Variants in SOX5 observed in about 807,000 individuals in gnomAD.
SOX5 encodes the protein SRY-box transcription factor 5.
SOX5 carries 9 observed loss-of-function variants against 92.0 expected under a neutral mutation model. The ratio of observed to expected loss-of-function variants is 0.10; its 90% CI spans 0.06 to 0.17. The LOEUF is 0.17. Ranked by LOEUF, SOX5 falls within the 10% of genes least tolerant of loss-of-function variation. The pLI, the probability that SOX5 is intolerant of heterozygous loss-of-function variation, is 1.00. For missense variants in SOX5, 642 were observed against 944.5 expected, an observed-to-expected ratio of 0.68 and a Z score of 4.20; for synonymous variants, 344 against 336.3, an observed-to-expected ratio of 1.02 and a Z score of -0.25.
chr12:23,534,106 A>C lies in SOX5; in HGVS notation c.*113T>G. 1 of 870,196 alleles carries C rather than the reference A, an allele frequency of 1.1e-6. No individual in the cohort carries two copies. Among genetic ancestry groups the C allele is most frequent in the Admixed American group, 2.2e-5 (1 of 45,198 alleles). The allele number at this position is 870,196 out of a possible 1,614,324, so 53.9% of individuals were successfully genotyped here. On this transcript the variant is annotated 3_prime_UTR_variant, in exon 15 of 15. Transcript: ENST00000451604. ...CTGATGTCCCAACTATTTAAGACTA[A>C]CAGTTAAAGTAACAGTCAGTGTATG... is the stretch of plus-strand genomic sequence containing the variant.
At chr12:23,753,190 A>T (rs962985668) in intron 4 of SOX5, among the ~76,000 whole-genome samples, 9 of 151,810 alleles carry the variant, frequency 5.9e-5, no homozygotes, top group African/African-American at 2.2e-4. Flanking sequence ...ATTAATAGTA[A>T]GAAACACTTC....
intron 1 of SOX5, among the ~76,000 whole-genome samples, chr12:24,497,555 G>A (rs1776717045): frequency 6.6e-6 from 1 of 152,180 alleles, no homozygotes; most frequent in Non-Finnish European, 1.5e-5. Context: ...AACAACAGAT[G>A]CTGGCAAGGT....
At chr12:24,497,847 C>T (rs907892558) in intron 1 of SOX5, among the ~76,000 whole-genome samples, 2 of 152,140 alleles carry the variant, frequency 1.3e-5, no homozygotes, top group South Asian at 2.1e-4. Context: ...GGTACATATG[C>T]ACCATGGCAT....
chr12:24,211,284 T>C (rs901903157), intron 4 of SOX5, among the ~76,000 whole-genome samples: 1 of 152,242 alleles, frequency 6.6e-6, no homozygotes, highest in African/African-American at 2.4e-5. Context: ...TGTTCTCTAG[T>C]ATCTCTGCTT....
chr12:23,668,022 C>T (rs554078492), intron 6 of SOX5, among the ~76,000 whole-genome samples: 4 of 152,136 alleles, frequency 2.6e-5, no homozygotes, highest in Admixed American at 2.0e-4. Context: ...GTGCACAAAG[C>T]AGGTAACAAT....
chr12:23,658,532 C>T (rs1229763734), intron 7 of SOX5, among the ~76,000 whole-genome samples: 1 of 152,106 alleles, frequency 6.6e-6, no homozygotes, highest in Non-Finnish European at 1.5e-5. Context: ...CCAAAGTCAT[C>T]GGTTTATAAA....
intron 3 of SOX5, among the ~76,000 whole-genome samples, chr12:24,266,428 GTAACACAA>G (rs1244554258): frequency 2.0e-5 from 3 of 152,126 alleles, no homozygotes; most frequent in Non-Finnish European, 4.4e-5. Context: ...TTCTGGTACA[GTAACACAA>G]TTGACACAAC....
intron 3 of SOX5, among the ~76,000 whole-genome samples, chr12:24,249,370 A>T (rs1458490177): frequency 1.3e-5 from 2 of 152,206 alleles, no homozygotes; most frequent in Non-Finnish European, 2.9e-5. Context: ...TTATCTATCT[A>T]GAGAGGAATG....
chr12:23,993,864 AATGTATGTATGT>A lies in SOX5; in HGVS notation c.-1-97852_-1-97841del, dbSNP rs5797056. Reference sequence around the variant, plus strand: ...ACATAAAGAAACTCCCTCCCTATGAAATGTATGTATGTATGTATGTATGTATGTATGTATGTA... The same window carrying A: ...ACATAAAGAAACTCCCTCCCTATGAAATGTATGTATGTATGTATGTATGTA... On this transcript the variant is annotated intron_variant, in intron 4 of 4. Transcript: ENST00000446891. 6.7e-3 allele frequency among the ~76,000 whole-genome samples: 984 copies of A among 146,616 alleles called. 12 individuals are homozygous for A. The highest frequency in any genetic ancestry group is 0.02 in the African/African-American group (799 of 39,442).
At chr12:24,198,706 T>C (rs1318817254) in intron 4 of SOX5, among the ~76,000 whole-genome samples, 1 of 152,212 alleles carries the variant, frequency 6.6e-6, no homozygotes, top group Non-Finnish European at 1.5e-5. Context: ...ACTGTTTATG[T>C]GTAATAGCAA....
At chr12:24,213,123 TG>T (rs746966717) in intron 4 of SOX5, among the ~76,000 whole-genome samples, 27 of 152,160 alleles carry the variant, frequency 1.8e-4, no homozygotes, top group Non-Finnish European at 2.4e-4. Flanking sequence ...TGTAAGATTT[TG>T]TTTCTATTCT....
At chr12:23,975,123 A>T (rs554286720) in intron 4 of SOX5, among the ~76,000 whole-genome samples, 2 of 152,136 alleles carry the variant, frequency 1.3e-5, no homozygotes, top group Non-Finnish European at 2.9e-5. Flanking sequence ...ACTCCTGTTC[A>T]CTAGAAATAG....
At chr12:24,206,972 C>T (rs1958086516) in intron 4 of SOX5, among the ~76,000 whole-genome samples, 1 of 152,188 alleles carries the variant, frequency 6.6e-6, no homozygotes, top group Admixed American at 6.5e-5. Flanking sequence ...TTTCTGGGGA[C>T]ACCCCAGGCA....
chr12:24,294,104 A>T (rs1315138959), intron 2 of SOX5, among the ~76,000 whole-genome samples: 1 of 152,190 alleles, frequency 6.6e-6, no homozygotes, highest in East Asian at 1.9e-4. Flanking sequence ...TCAAAATGCT[A>T]AACAGAATTC....
Position 24,493,630 on chromosome 12 carries a change from C to T in SOX5, c.-251+68699G>A, listed in dbSNP as rs534437423. Among the ~76,000 whole-genome samples, 42 of 152,004 alleles carry T rather than the reference C, an allele frequency of 2.8e-4. No homozygotes were observed. In the East Asian group the frequency reaches 6.2e-3, roughly 22 times the overall value. On this transcript the variant is annotated intron_variant, in intron 1 of 4. Coordinates refer to the SOX5 transcript ENST00000446891. ...CTGTAATCCTAGCACTTTGGGAGGC[C>T]GAGGCAGGAGGATCACAAGGTCAGG...
chr12:23,986,515 A>C (rs1478588052), intron 4 of SOX5, among the ~76,000 whole-genome samples: 1 of 152,244 alleles, frequency 6.6e-6, no homozygotes, highest in African/African-American at 2.4e-5. Flanking sequence ...TACATGAGTC[A>C]TAATGTACTG....
chr12:23,984,301 TAGATTAA>T (rs1569398012), intron 4 of SOX5, among the ~76,000 whole-genome samples: 2 of 152,116 alleles, frequency 1.3e-5, no homozygotes, highest in African/African-American at 2.4e-5. Context: ...GGAGCAAGTT[TAGATTAA>T]AAGGGCCTAC....
At chr12:24,060,339 T>C (rs1939424435) in intron 4 of SOX5, among the ~76,000 whole-genome samples, 2 of 152,172 alleles carry the variant, frequency 1.3e-5, no homozygotes, top group Admixed American at 6.5e-5. Context: ...GAGCCAGGAA[T>C]TGCACCTATG....
At chr12:24,306,688 A>G (rs147130685) in intron 2 of SOX5, among the ~76,000 whole-genome samples, 57 of 152,310 alleles carry the variant, frequency 3.7e-4, no homozygotes, top group Non-Finnish European at 5.9e-4. Flanking sequence ...CATCCAAGAT[A>G]GCCAAAACCC....
Sources: allele counts gnomAD v4.1 joint callset (sites outside exome capture counted in the v4.1 genomes callset), GRCh38; gene constraint gnomAD v4.1.1; transcripts MANE v1.5; gene names NCBI Gene and HGNC (gene_info 2026-07-23, HGNC 2026-07-21).